The following RNF175 variants were observed in gnomAD, a reference collection of about 807,000 sequenced individuals.
RNF175 encodes the protein ring finger protein 175.
Under a neutral mutation model 50.0 loss-of-function variants are expected in RNF175, and 38 were observed. That is an observed-to-expected ratio of 0.76 (90% CI 0.59 to 1.00). RNF175 has a LOEUF of 1.00. Ranked by LOEUF, RNF175 falls within the 50% of genes least tolerant of loss-of-function variation. RNF175 has a pLI of 0.00. For missense variants in RNF175, 388 were observed against 409.6 expected (o/e 0.95, Z 0.46); for synonymous variants, 155 against 146.1 (o/e 1.06, Z -0.44).
At chr4:153,725,931 C>T (rs1738669526) in intron 4 of RNF175, among the ~76,000 whole-genome samples, 1 of 152,264 alleles carries the variant, frequency 6.6e-6, no homozygotes, top group Non-Finnish European at 1.5e-5. Context: ...CCAGAATTTC[C>T]TTGCTACCCA....
intron 6 of RNF175, among the ~76,000 whole-genome samples, chr4:153,718,922 C>T (rs915283057): frequency 6.6e-5 from 10 of 152,078 alleles, no homozygotes; most frequent in African/African-American, 2.4e-4. Flanking sequence ...CAGAAGTTCA[C>T]CCTTTTCTTG....
intron 7 of RNF175, chr4:153,713,514 A>G (rs1737724398): frequency 6.6e-6 from 1 of 152,180 alleles, no homozygotes; most frequent in Non-Finnish European, 1.5e-5. Flanking sequence ...TGATTTGTTT[A>G]TTTCTACAAT....
intron 4 of RNF175, chr4:153,727,541 A>T (rs1205389788): frequency 6.6e-6 from 1 of 152,216 alleles, no homozygotes; most frequent in East Asian, 1.9e-4. Flanking sequence ...CAAATTTAGC[A>T]TTGTTTTATC....
chr4:153,733,196 G>T (rs916392247), intron 3 of RNF175, among the ~76,000 whole-genome samples: 8 of 152,074 alleles, frequency 5.3e-5, no homozygotes, highest in African/African-American at 1.9e-4. Context: ...TGAGCTTTTT[G>T]AATTAGTCTG....
Position 153,720,322 on chromosome 4 carries a change from A to G in RNF175, c.510-18T>C. ...CTTTGATTCTATTGAAAACAACAGT[A>G]TAAGGAAATAAGAATGTGGCATATT... is the stretch of plus-strand genomic sequence containing the variant. On this transcript the variant is annotated intron_variant, in intron 5 of 8. Transcript: ENST00000347063. The G allele has an allele frequency of 1.2e-6, 2 of 1,609,806 alleles. No homozygotes were observed. Among genetic ancestry groups the G allele is most frequent in the Admixed American group, 1.7e-5 (1 of 59,932 alleles).
At position 153,751,470 on chromosome 4, in the gene RNF175, A is replaced by C; in HGVS notation, c.72T>G (p.Ser24=). Reference sequence around the variant, plus strand: ...TGTCTTCTGCAGAAAGCTTTGTATGAGAGAGCTGAAAAACATAAAAAGGGC... The same window carrying C: ...TGTCTTCTGCAGAAAGCTTTGTATGCGAGAGCTGAAAAACATAAAAAGGGC... ...LEAPPQQEQL[S]HTKLSAEDTW... is the part of the protein sequence containing the mutation. Residue 24 remains serine, a synonymous_variant, in exon 2 of 9, where the codon TCT becomes TCG. Coordinates refer to ENST00000347063, the MANE Select transcript of RNF175 (RefSeq NM_173662.4). 3 of 1,557,320 alleles carry C rather than the reference A, an allele frequency of 1.9e-6. No individual in the cohort carries two copies. Among genetic ancestry groups the C allele is most frequent in the Non-Finnish European group, 2.6e-6 (3 of 1,150,416 alleles).
chr4:153,738,528 C>A (rs1225426039), intron 3 of RNF175, among the ~76,000 whole-genome samples: 1 of 152,068 alleles, frequency 6.6e-6, no homozygotes, highest in Non-Finnish European at 1.5e-5. Flanking sequence ...GTTCTGAAGT[C>A]CACTTTGTCT....
At chr4:153,712,892 G>A (rs1234849686) in intron 7 of RNF175, among the ~76,000 whole-genome samples, 1 of 149,482 alleles carries the variant, frequency 6.7e-6, no homozygotes, top group African/African-American at 2.5e-5. Flanking sequence ...TCTTCCATAA[G>A]TGTATTGTTA....
rs1740752847 is a variant in RNF175, at chr4:153,759,974, T to TGCC, written c.-113_-112insGGC. On this transcript the variant is annotated 5_prime_UTR_variant, in exon 1 of 9. Transcript: ENST00000347063. ...GGGAGCCGAGGGTGAGAGCCGGATC[T>TGCC]GCGGCGGCGGCGGAGCGGCGGCCCT... 5.1e-6 allele frequency: 3 copies of TGCC among 593,466 alleles called. No individual in the cohort carries two copies. The highest frequency in any genetic ancestry group is 7.6e-6 in the Non-Finnish European group (3 of 396,216). 36.8% of individuals were successfully genotyped at this position (593,466 alleles called of 1,614,324 possible).
At chr4:153,724,651 A>C (rs1738562814) in intron 4 of RNF175, among the ~76,000 whole-genome samples, 1 of 152,106 alleles carries the variant, frequency 6.6e-6, no homozygotes, top group Non-Finnish European at 1.5e-5. Context: ...CTTAAGATCT[A>C]TGATATTACT....
intron 2 of RNF175, 77 bp downstream of exon 2, chr4:153,751,361 T>C (rs1486698869): frequency 9.8e-7 from 1 of 1,025,470 alleles, no homozygotes; most frequent in African/African-American, 1.6e-5. Context: ...AAATGATGAC[T>C]TCATTCATTT....
At chr4:153,726,968 T>C (rs1560778164) in intron 4 of RNF175, among the ~76,000 whole-genome samples, 2 of 152,194 alleles carry the variant, frequency 1.3e-5, no homozygotes, top group East Asian at 3.8e-4. Flanking sequence ...AGCATTTGGG[T>C]ATTTCTTGTA....
chr4:153,720,608 C>T (rs1738278252), intron 5 of RNF175: 1 of 266,202 alleles, frequency 3.8e-6, no homozygotes, highest in African/African-American at 2.2e-5. Context: ...TATACGTAGG[C>T]CTCAGCAGCT....
At chr4:153,711,714 G>C (rs529581567) in intron 8 of RNF175, among the ~76,000 whole-genome samples, 52 of 152,266 alleles carry the variant, frequency 3.4e-4, no homozygotes, top group Non-Finnish European at 6.6e-4. Flanking sequence ...TTCCCACCCT[G>C]CTTCCTGAAT....
intron 6 of RNF175, among the ~76,000 whole-genome samples, chr4:153,719,108 CCTCCCG>C (rs1164026099): frequency 1.3e-5 from 2 of 152,090 alleles, no homozygotes; most frequent in Admixed American, 1.3e-4. Context: ...TGATGCTCTC[CCTCCCG>C]CTCCCGATAG....
intron 1 of RNF175, among the ~76,000 whole-genome samples, chr4:153,752,970 C>T (rs1340047098): frequency 3.3e-5 from 5 of 151,938 alleles, no homozygotes; most frequent in Non-Finnish European, 5.9e-5. Flanking sequence ...TATTGAAACA[C>T]GGTAAATAAA....
chr4:153,721,669 C>T (rs1187114302), intron 5 of RNF175, among the ~76,000 whole-genome samples: 1 of 152,012 alleles, frequency 6.6e-6, no homozygotes, highest in East Asian at 1.9e-4. Context: ...AAAAATAGTT[C>T]CTTTTCTAAA....
chr4:153,748,965 G>A, intron 2 of RNF175, 179 bp from the exon 3 acceptor site: 1 of 586,232 alleles, frequency 1.7e-6, no homozygotes, highest in Non-Finnish European at 2.9e-6. Context: ...GTTTTTCTTG[G>A]TTTCTTCCCT....
At position 153,718,222 on chromosome 4, in the gene RNF175, G is replaced by GTTT. The variant is rs1460898288; in HGVS notation, c.630+1959_630+1961dup. Among the ~76,000 whole-genome samples, 172 of 37,518 alleles carry GTTT rather than the reference G, an allele frequency of 4.6e-3. 47 individuals carry two copies. The highest frequency in any genetic ancestry group is 6.9e-3 in the Non-Finnish European group (98 of 14,140). 24.6% of individuals were successfully genotyped at this position (37,518 alleles called of 152,430 possible). On this transcript the variant is annotated intron_variant, in intron 6 of 8. Transcript: ENST00000347063. ...CTTTCCTAAGGAGTTTTTTTTGTTT[G>GTTT]TTTGTTTGTTTGTTTGTTTTTTTTT...
Sources: allele counts gnomAD v4.1 joint callset (sites outside exome capture counted in the v4.1 genomes callset), GRCh38; gene constraint gnomAD v4.1.1; transcripts MANE v1.5; gene names NCBI Gene and HGNC (gene_info 2026-07-23, HGNC 2026-07-21).